Variants in CLCN5 observed in about 807,000 individuals in gnomAD.
CLCN5 encodes the protein Cl-/H+ antiporter 5.
In CLCN5, 17 loss-of-function variants were observed where a neutral mutation model predicts 54.0. That is an observed-to-expected ratio of 0.31 (90% CI 0.22 to 0.47). CLCN5 has a LOEUF of 0.47. Ranked by LOEUF, CLCN5 falls within the 20% of genes least tolerant of loss-of-function variation. The pLI, the probability that CLCN5 is intolerant of heterozygous loss-of-function variation, is 1.00. For missense variants in CLCN5, 448 were observed against 646.7 expected (o/e 0.69, Z 3.33); for synonymous variants, 222 against 233.0 (o/e 0.95, Z 0.43).
At chrX:49,994,869 A>G (rs1345123427) in intron 3 of CLCN5, among the ~76,000 whole-genome samples, 11 of 112,057 alleles carry the variant, frequency 9.8e-5, no homozygotes, top group Non-Finnish European at 2.1e-4. Context: ...ACAAATATTC[A>G]TATCAACTTT....
At chrX:49,999,121 C>T (rs373842261) in intron 3 of CLCN5, among the ~76,000 whole-genome samples, 1 of 110,533 alleles carries the variant, frequency 9.0e-6, no homozygotes, top group African/African-American at 3.3e-5. Context: ...TCCCCACCCC[C>T]GACACAGATG....
At chrX:50,067,809 C>T (rs1557191081) in intron 4 of CLCN5, 1 of 604,735 alleles carries the variant, frequency 1.7e-6, no homozygotes, top group Non-Finnish European at 2.0e-6. Flanking sequence ...CCCCCGGGAG[C>T]AGGGGATCTG....
At chrX:49,964,227 TCTATC>T (rs1557175186) in intron 3 of CLCN5, among the ~76,000 whole-genome samples, 1 of 112,494 alleles carries the variant, frequency 8.9e-6, no homozygotes, top group African/African-American at 3.2e-5. Flanking sequence ...CTTCATGAAT[TCTATC>T]CAATTGTAAG....
intron 3 of CLCN5, among the ~76,000 whole-genome samples, chrX:49,988,286 C>T (rs1929074176): frequency 9.0e-6 from 1 of 111,725 alleles, no homozygotes; most frequent in Non-Finnish European, 1.9e-5. Flanking sequence ...CTCCTCACCA[C>T]TATTTCCAAG....
rs1170836407 is a variant in CLCN5, at chrX:49,953,834, C to G, written c.16+28520C>G. Among the ~76,000 whole-genome samples the G allele has an allele frequency of 1.3e-4, 15 of 111,654 alleles. No homozygotes were observed. In the Admixed American group the frequency reaches 1.4e-3, roughly 11 times the overall value. ...TGAAGATTGATCAATGTATACTATC[C>G]CCAGTAGTCAACTGAACTCTTGCCA... On this transcript the variant is annotated intron_variant, in intron 3 of 14. Coordinates refer to ENST00000376091, the MANE Select transcript of CLCN5 (RefSeq NM_001127898.4).
chrX:50,064,149 G>T (rs1299224247), intron 4 of CLCN5, among the ~76,000 whole-genome samples: 4 of 108,908 alleles, frequency 3.7e-5, no homozygotes, highest in Admixed American at 9.9e-5. Flanking sequence ...AGTGTTGGAA[G>T]TTCTGGCCAG....
intron 3 of CLCN5, among the ~76,000 whole-genome samples, chrX:50,034,195 T>G (rs1202834948): frequency 8.9e-6 from 1 of 112,359 alleles, no homozygotes; most frequent in Non-Finnish European, 1.9e-5. Context: ...GATTATTTTC[T>G]GAGCCCTCGC....
At chrX:49,952,986 A>G (rs1287745934) in intron 3 of CLCN5, among the ~76,000 whole-genome samples, 1 of 108,879 alleles carries the variant, frequency 9.2e-6, no homozygotes, top group Non-Finnish European at 1.9e-5. Context: ...CCTGGGTTCA[A>G]GCGATTCTCC....
chrX:50,092,613 T>C lies in CLCN5; in HGVS notation c.*394T>C. 1 of 148,726 alleles carries C rather than the reference T, an allele frequency of 6.7e-6. No homozygotes were observed. The highest frequency in any genetic ancestry group is 1.3e-5 in the Non-Finnish European group (1 of 75,331). 12.3% of individuals were successfully genotyped at this position (148,726 alleles called of 1,213,427 possible). On this transcript the variant is annotated 3_prime_UTR_variant, in exon 15 of 15. Transcript: ENST00000376091. ...GGAAACCGACGAAAAAGTCACTCTT[T>C]TGGGATCTAACTGTTGTTACTGGAA...
At chrX:50,062,408 A>G (rs1376501616) in intron 4 of CLCN5, among the ~76,000 whole-genome samples, 1 of 53,963 alleles carries the variant, frequency 1.9e-5, no homozygotes, top group East Asian at 5.3e-4. Context: ...AAAGAGACAA[A>G]GAAGGCCATT....
At chrX:50,004,280 C>G (rs981004879) in intron 3 of CLCN5, among the ~76,000 whole-genome samples, 2 of 111,973 alleles carry the variant, frequency 1.8e-5, no homozygotes, top group African/African-American at 3.2e-5. Flanking sequence ...AATCCCTGCC[C>G]TAGTGAGGGG....
Position 50,075,864 on chromosome X carries a change from G to A in CLCN5, c.485G>A (p.Gly162Glu), listed in dbSNP as rs1557192064. ...MTDLKEGICT[G>E]GFWFNHEHCC... ...GACTTAAAAGAAGGTATATGCACAGGGGGATTCTGGTTTAACCATGAACAT... is the reference window on the plus strand; with the variant it reads ...GACTTAAAAGAAGGTATATGCACAGAGGGATTCTGGTTTAACCATGAACAT... Residue 162 changes from glycine (G) to glutamate (E), a missense_variant, in exon 7 of 15, where the codon GGG becomes GAG. By Grantham distance (98) the Gly-to-Glu change is moderately conservative (BLOSUM62 -2). Coordinates refer to ENST00000376091, the MANE Select transcript of CLCN5 (RefSeq NM_001127898.4). 1 of 1,208,277 alleles carries A rather than the reference G, an allele frequency of 8.3e-7. No individual in the cohort carries two copies. The highest frequency in any genetic ancestry group is 3.0e-5 in the East Asian group (1 of 33,768).
intron 4 of CLCN5, among the ~76,000 whole-genome samples, chrX:50,063,456 C>A (rs1932898176): frequency 9.3e-6 from 1 of 107,941 alleles, no homozygotes; most frequent in South Asian, 3.8e-4. Flanking sequence ...AAGACTAAAC[C>A]AGGAAGAAGT....
intron 3 of CLCN5, among the ~76,000 whole-genome samples, chrX:49,950,985 G>A (rs1927015481): frequency 9.0e-6 from 1 of 111,459 alleles, no homozygotes; most frequent in African/African-American, 3.3e-5. Context: ...ATTCATTCTA[G>A]TTATTTTTGG....
At chrX:49,980,656 C>A (rs1201815569) in intron 3 of CLCN5, among the ~76,000 whole-genome samples, 1 of 111,654 alleles carries the variant, frequency 9.0e-6, no homozygotes, top group East Asian at 2.8e-4. Context: ...GTATTTGTTT[C>A]TTTGACCAAT....
At chrX:50,084,836 G>C in intron 9 of CLCN5, among the ~76,000 whole-genome samples, 1 of 111,860 alleles carries the variant, frequency 8.9e-6, no homozygotes, top group East Asian at 2.8e-4. Context: ...GAGAAAGAAG[G>C]GTGTAGACAG....
chrX:49,931,733 C>CT (rs1361127071), intron 3 of CLCN5, among the ~76,000 whole-genome samples: 219 of 98,998 alleles, frequency 2.2e-3, no homozygotes, highest in Middle Eastern at 5.1e-3. Context: ...TAAAAGAAAA[C>CT]TTTTTTTTTT....
At chrX:50,052,893 C>T (rs1325742193) in intron 4 of CLCN5, among the ~76,000 whole-genome samples, 7 of 111,482 alleles carry the variant, frequency 6.3e-5, no homozygotes, top group Non-Finnish European at 9.4e-5. Flanking sequence ...ACAGTGTATA[C>T]GTATATAAAA....
chrX:50,047,830 A>G (rs1932446718), intron 4 of CLCN5, among the ~76,000 whole-genome samples: 1 of 111,613 alleles, frequency 9.0e-6, no homozygotes, highest in African/African-American at 3.3e-5. Context: ...GGAGATGAAG[A>G]CCGCAGAGGT....
Sources: gnomAD v4.1 joint callset for allele counts (sites outside exome capture counted in the v4.1 genomes callset) on GRCh38, gnomAD v4.1.1 for gene constraint, MANE v1.5 for transcripts, NCBI Gene and HGNC (gene_info 2026-07-23, HGNC 2026-07-21) for gene names.